AFF2: variants seen among roughly 807,000 people sequenced by gnomAD.
AFF2 encodes AF4/FMR2 family member 2.
AFF2 carries 14 observed loss-of-function variants against 76.9 expected under a neutral mutation model. The observed-to-expected ratio is 0.18, with a 90% CI of 0.12 to 0.28. AFF2 has a LOEUF of 0.28. AFF2 is among the 10% of genes least tolerant of loss of function. AFF2 has a pLI of 1.00. For synonymous variants in AFF2, 398 were observed against 366.7 expected (o/e 1.09, Z -0.98); for missense variants, 868 against 1,001.1 (o/e 0.87, Z 1.79).
chrX:148,551,141 A>G (rs2052984617), intron 1 of AFF2, among the ~76,000 whole-genome samples: 1 of 110,419 alleles, frequency 9.1e-6, no homozygotes, highest in Admixed American at 9.8e-5. Flanking sequence ...ATAGAAATAA[A>G]ACTAAGGCTT....
intron 1 of AFF2, among the ~76,000 whole-genome samples, chrX:148,531,329 G>A (rs782118356): frequency 1.6e-4 from 18 of 112,050 alleles, no homozygotes; most frequent in African/African-American, 5.2e-4. Flanking sequence ...TTTATTTTAG[G>A]TACAAGGTAA....
At chrX:148,826,017 C>T (rs781929123) in intron 4 of AFF2, among the ~76,000 whole-genome samples, 6 of 110,101 alleles carry the variant, frequency 5.4e-5, no homozygotes, top group African/African-American at 2.0e-4. Context: ...ACCAATGTTT[C>T]ATTTGCACAC....
At chrX:148,672,960 G>A (rs1422561704) in intron 3 of AFF2, among the ~76,000 whole-genome samples, 1 of 110,941 alleles carries the variant, frequency 9.0e-6, no homozygotes, top group East Asian at 2.8e-4. Flanking sequence ...TGCTATAGAG[G>A]GAGTAAGACT....
intron 3 of AFF2, among the ~76,000 whole-genome samples, chrX:148,757,864 G>A (rs1557267016): frequency 1.8e-5 from 2 of 111,707 alleles, no homozygotes; most frequent in East Asian, 2.8e-4. Flanking sequence ...TTATAAGCTG[G>A]GAAGAGAACC....
rs782016011 is a variant in AFF2, at chrX:148,919,125, T to C, written c.1397+14867T>C. Among the ~76,000 whole-genome samples, 17 of 111,739 alleles carry C rather than the reference T, an allele frequency of 1.5e-4. No homozygotes were observed. The South Asian group carries it at 6.5e-3, about 43-fold the overall frequency. ...TCCTTTTATGAATTTTGTGTCCAGA[T>C]TACTATTATTTACTCTAACTGAGAG... On this transcript the variant is annotated intron_variant, in intron 9 of 20. Transcript: ENST00000370460.
In AFF2 at chrX:148,955,767, G is replaced by A. The variant is rs201846826; in HGVS notation, c.1722G>A (p.Thr574=). The A allele has an allele frequency of 1.2e-5, 14 of 1,209,900 alleles. No individual in the cohort carries two copies. In the East Asian group the frequency reaches 2.4e-4, roughly 20 times the overall value. Residue 574 remains threonine (T), a synonymous_variant, in exon 11 of 21, where the codon ACG becomes ACA. Coordinates refer to ENST00000370460, the MANE Select transcript of AFF2 (RefSeq NM_002025.4). ...QPMEVQMKVK[T]NASQVPAEPK... is the part of the protein sequence containing the mutation. ...TGGAAGTCCAGATGAAAGTGAAGACGAATGCCAGTCAGGTCCCAGCTGAAC... is the reference window on the plus strand; with the variant it reads ...TGGAAGTCCAGATGAAAGTGAAGACAAATGCCAGTCAGGTCCCAGCTGAAC...
intron 1 of AFF2, among the ~76,000 whole-genome samples, chrX:148,630,928 C>G (rs889391453): frequency 2.7e-5 from 3 of 112,217 alleles, no homozygotes; most frequent in African/African-American, 9.7e-5. Context: ...CTAAGGAAAT[C>G]AAGGTCATTT....
At chrX:148,742,370 T>G (rs925328856) in intron 3 of AFF2, among the ~76,000 whole-genome samples, 21 of 112,553 alleles carry the variant, frequency 1.9e-4, no homozygotes, top group Admixed American at 1.5e-3. Flanking sequence ...CTCCCAAAAC[T>G]TGGACCTACC....
At chrX:148,863,809 G>A (rs782320421) in intron 7 of AFF2, among the ~76,000 whole-genome samples, 3 of 111,451 alleles carry the variant, frequency 2.7e-5, no homozygotes, top group East Asian at 5.7e-4. Context: ...CTAGGAATCC[G>A]GGTAGCAGTG....
At chrX:148,796,458 C>CAA (rs1235657694) in intron 3 of AFF2, among the ~76,000 whole-genome samples, 2 of 112,137 alleles carry the variant, frequency 1.8e-5, no homozygotes, top group Non-Finnish European at 3.8e-5. Flanking sequence ...TTCTGGCTGC[C>CAA]AACAGTTAGA....
At chrX:148,600,026 GA>G (rs1209589772) in intron 1 of AFF2, among the ~76,000 whole-genome samples, 6 of 111,986 alleles carry the variant, frequency 5.4e-5, no homozygotes, top group Non-Finnish European at 1.1e-4. Flanking sequence ...GATGACAGGT[GA>G]AAAAATTGAC....
At chrX:148,706,300 G>A (rs1459517978) in intron 3 of AFF2, among the ~76,000 whole-genome samples, 10 of 111,782 alleles carry the variant, frequency 8.9e-5, no homozygotes, top group East Asian at 2.8e-4. Context: ...CTGTCCATTC[G>A]GCAAGAAAAC....
chrX:148,838,048 A>G (rs1259004182), intron 5 of AFF2, among the ~76,000 whole-genome samples: 1 of 111,892 alleles, frequency 8.9e-6, no homozygotes, highest in Non-Finnish European at 1.9e-5. Context: ...TGGAACAGCA[A>G]CGTTCAAGAT....
chrX:148,958,969 C>T (rs1229029003), intron 12 of AFF2, among the ~76,000 whole-genome samples: 1 of 96,560 alleles, frequency 1.0e-5, no homozygotes, highest in African/African-American at 3.9e-5. Flanking sequence ...TAGCTATGTC[C>T]GGAACTCCAC....
At chrX:148,555,190 G>A (rs2053039249) in intron 1 of AFF2, among the ~76,000 whole-genome samples, 1 of 111,998 alleles carries the variant, frequency 8.9e-6, no homozygotes, top group African/African-American at 3.2e-5. Flanking sequence ...CACATGTTGT[G>A]TAAGCTGCTC....
chrX:148,798,375 A>G (rs1209207504), intron 3 of AFF2, among the ~76,000 whole-genome samples: 1 of 112,189 alleles, frequency 8.9e-6, no homozygotes, highest in Non-Finnish European at 1.9e-5. Flanking sequence ...ACAAACATTC[A>G]AGCCATAGCA....
intron 13 of AFF2, among the ~76,000 whole-genome samples, chrX:148,963,979 G>T (rs142111340): frequency 5.7e-4 from 64 of 112,134 alleles, no homozygotes; most frequent in African/African-American, 2.0e-3. Flanking sequence ...GTGAGATCTA[G>T]GTGGTAATAA....
intron 1 of AFF2, among the ~76,000 whole-genome samples, chrX:148,555,976 A>C (rs1291858681): frequency 8.9e-6 from 1 of 112,099 alleles, no homozygotes; most frequent in Non-Finnish European, 1.9e-5. Flanking sequence ...TGGAGTTTTC[A>C]GGGTGTAATT....
chrX:148,636,016 GAT>G (rs201822349), intron 1 of AFF2, among the ~76,000 whole-genome samples: 14 of 107,528 alleles, frequency 1.3e-4, no homozygotes, highest in African/African-American at 4.1e-4. Flanking sequence ...TGAGTGTGTG[GAT>G]ATATATATAT....
Sources: allele counts gnomAD v4.1 joint callset (sites outside exome capture counted in the v4.1 genomes callset), GRCh38; gene constraint gnomAD v4.1.1; transcripts MANE v1.5; gene names NCBI Gene and HGNC (gene_info 2026-07-23, HGNC 2026-07-21).